The following RBFOX1 variants were observed in gnomAD, a reference collection of about 807,000 sequenced individuals.
The protein encoded by RBFOX1 is RNA binding protein fox-1 homolog 1.
In RBFOX1, 8 loss-of-function variants were observed where a neutral mutation model predicts 57.7. That is an observed-to-expected ratio of 0.14 (90% confidence interval 0.08 to 0.25). The LOEUF is 0.25. Ranked by LOEUF, RBFOX1 falls within the 10% of genes least tolerant of loss-of-function variation. RBFOX1 has a pLI of 1.00. For synonymous variants in RBFOX1, 326 were observed against 222.4 expected, an observed-to-expected ratio of 1.47 and a Z score of -4.15; for missense variants, 611 against 548.5, an observed-to-expected ratio of 1.11 and a Z score of -1.14.
chr16:6,765,371 G>C (rs185470663), intron 3 of RBFOX1, among the ~76,000 whole-genome samples: 3 of 152,114 alleles, frequency 2.0e-5, no homozygotes, highest in Non-Finnish European at 4.4e-5. Context: ...TGGAAAGTCC[G>C]TGTGTAACTT....
chr16:7,499,901 A>T (rs2070106377), intron 4 of RBFOX1, among the ~76,000 whole-genome samples: 1 of 152,152 alleles, frequency 6.6e-6, no homozygotes, highest in Non-Finnish European at 1.5e-5. Flanking sequence ...AAAAGAAAAA[A>T]AAAAAACATT....
chr16:5,741,622 C>G (rs553931949), intron 3 of RBFOX1, among the ~76,000 whole-genome samples: 1 of 152,278 alleles, frequency 6.6e-6, no homozygotes, highest in South Asian at 2.1e-4. Context: ...TTATATTTCT[C>G]TATAACAATT....
rs749507244 is a variant in RBFOX1, at chr16:6,225,774, A to G, written c.-126-91221A>G. Among the ~76,000 whole-genome samples the G allele has an allele frequency of 1.9e-4, 29 of 152,350 alleles. 1 individual carries two copies. In the South Asian group the frequency reaches 2.1e-3, roughly 11 times the overall value. ...CAGCTTTAACAAAATGGATCATGTC[A>G]GAAAGCAAAAGTTCCTACTAGCCTA... On this transcript the variant is annotated intron_variant, in intron 1 of 15. Transcript: ENST00000550418.
At chr16:6,092,248 C>T (rs2096185959) in intron 1 of RBFOX1, among the ~76,000 whole-genome samples, 1 of 152,156 alleles carries the variant, frequency 6.6e-6, no homozygotes, top group Non-Finnish European at 1.5e-5. Flanking sequence ...GCTTCACATG[C>T]ATTAAGTTAG....
chr16:5,758,935 ATAGT>A (rs143253222), intron 3 of RBFOX1, among the ~76,000 whole-genome samples: 2,731 of 152,262 alleles, frequency 0.018, 73 homozygotes, highest in African/African-American at 0.061. Flanking sequence ...GCGAAAGGAA[ATAGT>A]TAGTGGGTTG....
chr16:7,342,712 C>G (rs767919266), intron 4 of RBFOX1, among the ~76,000 whole-genome samples: 1 of 151,976 alleles, frequency 6.6e-6, no homozygotes, highest in Non-Finnish European at 1.5e-5. Context: ...AGAGATGCCA[C>G]CATGGAGTTT....
intron 4 of RBFOX1, among the ~76,000 whole-genome samples, chr16:5,942,757 A>G (rs948691471): frequency 6.6e-6 from 1 of 152,208 alleles, no homozygotes; most frequent in South Asian, 2.1e-4. Flanking sequence ...GGAGTTGGTT[A>G]GATCAGATCT....
At chr16:7,463,134 C>A (rs530789250) in intron 4 of RBFOX1, among the ~76,000 whole-genome samples, 1 of 152,230 alleles carries the variant, frequency 6.6e-6, no homozygotes. Flanking sequence ...CACTTTTTGG[C>A]TTATAGAAGA....
intron 4 of RBFOX1, among the ~76,000 whole-genome samples, chr16:7,362,758 G>T (rs1008267779): frequency 1.3e-5 from 2 of 152,098 alleles, no homozygotes; most frequent in Non-Finnish European, 2.9e-5. Flanking sequence ...GTATGTTAGT[G>T]TATGTTTCTG....
At chr16:7,163,747 C>T (rs897575144) in intron 4 of RBFOX1, among the ~76,000 whole-genome samples, 5 of 152,128 alleles carry the variant, frequency 3.3e-5, no homozygotes, top group African/African-American at 7.2e-5. Context: ...ACCTCTGCCT[C>T]GTGGGTTCAA....
At chr16:6,744,520 A>G (rs2073101331) in intron 3 of RBFOX1, among the ~76,000 whole-genome samples, 1 of 152,116 alleles carries the variant, frequency 6.6e-6, no homozygotes, top group African/African-American at 2.4e-5. Context: ...GAATCAAACT[A>G]GAAATAAATG....
At chr16:5,702,426 G>T (rs755200198) in intron 3 of RBFOX1, among the ~76,000 whole-genome samples, 1 of 152,150 alleles carries the variant, frequency 6.6e-6, no homozygotes, top group Non-Finnish European at 1.5e-5. Flanking sequence ...CCTTCAATTC[G>T]ACATGAGATT....
At chr16:5,349,944 A>G (rs1282376928) in intron 1 of RBFOX1, among the ~76,000 whole-genome samples, 1 of 152,106 alleles carries the variant, frequency 6.6e-6, no homozygotes, top group South Asian at 2.1e-4. Context: ...AGCACAAGGC[A>G]TTTCTCACTC....
At chr16:6,307,467 A>C (rs1268519369) in intron 1 of RBFOX1, among the ~76,000 whole-genome samples, 2 of 151,058 alleles carry the variant, frequency 1.3e-5, no homozygotes, top group African/African-American at 4.8e-5. Flanking sequence ...ATTTATACTA[A>C]ATTATTTCTT....
rs145779380 is a variant in RBFOX1, at chr16:6,375,890, A to G, written c.-64+58833A>G. ...CTTCTTGGCCAGGACCCAAAGACCTATTATCCTACACATGTCTTTCTGTGC... is the reference window on the plus strand; with the variant it reads ...CTTCTTGGCCAGGACCCAAAGACCTGTTATCCTACACATGTCTTTCTGTGC... On this transcript the variant is annotated intron_variant, in intron 2 of 15. Coordinates refer to ENST00000550418, the MANE Select transcript of RBFOX1 (RefSeq NM_018723.4). Among the ~76,000 whole-genome samples the G allele has an allele frequency of 7.6e-3, 1,158 of 152,248 alleles. 13 individuals are homozygous for G. The highest frequency in any genetic ancestry group is 0.027 in the Middle Eastern group (8 of 292).
At chr16:7,163,145 T>A (rs1381499443) in intron 4 of RBFOX1, among the ~76,000 whole-genome samples, 3 of 150,406 alleles carry the variant, frequency 2.0e-5, no homozygotes, top group East Asian at 1.9e-4. Flanking sequence ...ACTTTTGACA[T>A]TTTTTTTTCT....
chr16:6,091,895 T>C (rs1213514340), intron 1 of RBFOX1, among the ~76,000 whole-genome samples: 2 of 152,326 alleles, frequency 1.3e-5, no homozygotes, highest in East Asian at 1.9e-4. Flanking sequence ...TAATGGCTTT[T>C]ACTTTTGCTT....
chr16:6,888,533 T>G (rs2064675834), intron 3 of RBFOX1, among the ~76,000 whole-genome samples: 1 of 152,186 alleles, frequency 6.6e-6, no homozygotes, highest in South Asian at 2.1e-4. Flanking sequence ...AAATTTTATC[T>G]CCACATTGTT....
At chr16:5,752,853 A>G (rs1016878355) in intron 3 of RBFOX1, among the ~76,000 whole-genome samples, 1 of 152,206 alleles carries the variant, frequency 6.6e-6, no homozygotes, top group Non-Finnish European at 1.5e-5. Context: ...ATAAATTCAG[A>G]GAGAAAGAAA....
Sources: allele counts gnomAD v4.1 joint callset (sites outside exome capture counted in the v4.1 genomes callset), GRCh38; gene constraint gnomAD v4.1.1; transcripts MANE v1.5; gene names NCBI Gene and HGNC (gene_info 2026-07-23, HGNC 2026-07-21).